Variants in ATP7B observed in about 807,000 individuals in gnomAD.
The protein encoded by ATP7B is copper-transporting ATPase 2.
In ATP7B, 113 loss-of-function variants were observed where a neutral mutation model predicts 118.9. That is an observed-to-expected ratio of 0.95 (90% confidence interval 0.82 to 1.11). The LOEUF (loss-of-function observed/expected upper bound fraction) is 1.11. Among genes scored for constraint, ATP7B ranks in the 50% most tolerant of loss-of-function variants. The pLI is 0.00. For synonymous variants in ATP7B, 777 were observed against 727.4 expected (o/e 1.07, Z -1.10); for missense variants, 1,867 against 1,871.4 (o/e 1.00, Z 0.04).
intron 1 of ATP7B, among the ~76,000 whole-genome samples, chr13:51,996,124 C>T (rs973090573): frequency 2.6e-5 from 4 of 152,190 alleles, no homozygotes; most frequent in African/African-American, 9.7e-5. Context: ...GGCAACATGA[C>T]TTGTATTTTC....
In ATP7B at chr13:51,960,072, T is replaced by C; in HGVS notation, c.2121+76A>G. ...TTAAACCAAGCTAAAGCACTATGTT[T>C]GCGCTTAGCGGGCAGAATATCTGAG... On this transcript the variant is annotated intron_variant, in intron 7 of 20. Transcript: ENST00000242839. 5 of 1,537,748 alleles carry C rather than the reference T, an allele frequency of 3.3e-6. No homozygotes were observed. In the East Asian group the frequency reaches 6.7e-5, roughly 21 times the overall value.
chr13:52,004,137 C>CT (rs1953663939), intron 1 of ATP7B, among the ~76,000 whole-genome samples: 1 of 152,270 alleles, frequency 6.6e-6, no homozygotes, highest in African/African-American at 2.4e-5. Flanking sequence ...TGGCACATGC[C>CT]TGTAAACCCA....
intron 1 of ATP7B, among the ~76,000 whole-genome samples, chr13:52,003,810 C>T (rs943315632): frequency 6.6e-6 from 1 of 152,176 alleles, no homozygotes; most frequent in Non-Finnish European, 1.5e-5. Flanking sequence ...TGTCAAAAGG[C>T]CTGGTGTCAC....
rs546018300 is a variant in ATP7B at position 51,974,573 on chromosome 13, G to A, written c.647C>T (p.Pro216Leu). ...AATATCAATTGGTCCCAGGCTTAAGGGAGCCACTTTGCTCTTGATGGCAGC... is the reference window on the plus strand; with the variant it reads ...AATATCAATTGGTCCCAGGCTTAAGAGAGCCACTTTGCTCTTGATGGCAGC... Reference protein sequence around the residue: ...FEAAIKSKVAPLSLGPIDIER... With the variant: ...FEAAIKSKVALLSLGPIDIER... Residue 216 changes from proline (P) to leucine (L), a missense_variant, in exon 2 of 21, where the codon CCC (proline) becomes CTC (leucine). By Grantham distance (98) the Pro-to-Leu change is moderately conservative (BLOSUM62 -3). Coordinates refer to ENST00000242839, the MANE Select transcript of ATP7B (RefSeq NM_000053.4). 6.2e-7 allele frequency: 1 copy of A among 1,614,164 alleles called. No individual in the cohort carries two copies. Among genetic ancestry groups the A allele is most frequent in the Non-Finnish European group, 8.5e-7 (1 of 1,180,022 alleles).
At chr13:51,982,297 T>C (rs1356643109) in intron 1 of ATP7B, among the ~76,000 whole-genome samples, 1 of 152,252 alleles carries the variant, frequency 6.6e-6, no homozygotes, top group Non-Finnish European at 1.5e-5. Context: ...TTCCTACTTC[T>C]GAATTTCTTG....
At chr13:51,990,012 C>G (rs1349917880) in intron 1 of ATP7B, among the ~76,000 whole-genome samples, 1 of 151,874 alleles carries the variant, frequency 6.6e-6, no homozygotes, top group Non-Finnish European at 1.5e-5. Flanking sequence ...TAGCACTACT[C>G]TATAAATGCA....
At chr13:51,980,571 G>A (rs1201120988) in intron 1 of ATP7B, among the ~76,000 whole-genome samples, 1 of 152,216 alleles carries the variant, frequency 6.6e-6, no homozygotes, top group Non-Finnish European at 1.5e-5. Flanking sequence ...CTGATATGAA[G>A]AAATCAGAAA....
At chr13:51,961,095 C>T (rs1044392945) in intron 6 of ATP7B, among the ~76,000 whole-genome samples, 6 of 151,884 alleles carry the variant, frequency 4.0e-5, no homozygotes, top group African/African-American at 1.2e-4. Flanking sequence ...CAAGGGTAGC[C>T]GCCACCAATT....
At chr13:51,990,430 A>T (rs1952853011) in intron 1 of ATP7B, among the ~76,000 whole-genome samples, 1 of 148,642 alleles carries the variant, frequency 6.7e-6, no homozygotes, top group Admixed American at 6.7e-5. Flanking sequence ...ATGGTTTTTT[A>T]AAAATAGGTG....
chr13:51,971,658 T>C (rs1341033058), intron 2 of ATP7B, among the ~76,000 whole-genome samples: 1 of 152,238 alleles, frequency 6.6e-6, no homozygotes, highest in African/African-American at 2.4e-5. Flanking sequence ...TCCTTATTGA[T>C]TTTTGTTTTA....
Position 51,934,736 on chromosome 13 carries a change from G to A in ATP7B, c.*20C>T, listed in dbSNP as rs568667533. 26 of 1,611,872 alleles carry A rather than the reference G, an allele frequency of 1.6e-5. No homozygotes were observed. The highest frequency in any genetic ancestry group is 2.2e-5 in the South Asian group (2 of 90,986). On this transcript the variant is annotated 3_prime_UTR_variant, in exon 21 of 21. Coordinates refer to ENST00000242839, the MANE Select transcript of ATP7B (RefSeq NM_000053.4). The stretch of plus-strand genomic sequence containing the variant: ...GTGAGTGGAGGCAAGTCCCTGCCCC[G>A]GCCCGCCTGCCTGAAGTCATCAGAT...
At chr13:51,955,215 G>A (rs1958260217) in intron 9 of ATP7B, among the ~76,000 whole-genome samples, 1 of 152,172 alleles carries the variant, frequency 6.6e-6, no homozygotes, top group Non-Finnish European at 1.5e-5. Flanking sequence ...GACGCGGGAG[G>A]GCCCTGTGGG....
At chr13:51,962,898 C>T (rs915665261) in intron 5 of ATP7B, among the ~76,000 whole-genome samples, 1 of 151,944 alleles carries the variant, frequency 6.6e-6, no homozygotes, top group Non-Finnish European at 1.5e-5. Flanking sequence ...TCGAGACCAG[C>T]CTGACAAACA....
At position 51,932,774 on chromosome 13, in the gene ATP7B, G is replaced by A. The variant is rs1226234573; in HGVS notation, c.*1982C>T. On this transcript the variant is annotated 3_prime_UTR_variant, in exon 21 of 21. Coordinates refer to ENST00000242839, the MANE Select transcript of ATP7B (RefSeq NM_000053.4). ...CTCCTTACACTTTGACCATCTAAAA[G>A]GTTATTTTCTATAAAATTATATAAA... The A allele has an allele frequency of 1.3e-5, 2 of 152,102 alleles. No homozygotes were observed. Among genetic ancestry groups the A allele is most frequent in the East Asian group, 3.8e-4 (2 of 5,196 alleles). The allele number at this position is 152,102 out of a possible 1,614,324, so 9.4% of individuals were successfully genotyped here. A position where few individuals can be genotyped will look rare whatever the true frequency, so the allele number is the denominator to read the frequency against.
intron 4 of ATP7B, among the ~76,000 whole-genome samples, chr13:51,967,992 A>G (rs1951649146): frequency 6.6e-6 from 1 of 152,158 alleles, no homozygotes; most frequent in African/African-American, 2.4e-5. Context: ...CTAGACACCC[A>G]TGCACCTATC....
At chr13:51,999,501 T>C (rs1953384201) in intron 1 of ATP7B, among the ~76,000 whole-genome samples, 1 of 152,184 alleles carries the variant, frequency 6.6e-6, no homozygotes, top group Non-Finnish European at 1.5e-5. Flanking sequence ...TGAAAAACGA[T>C]TATGATAGTT....
intron 3 of ATP7B, 104 bp from the exon 4 acceptor site, chr13:51,968,711 T>C: frequency 4.4e-6 from 6 of 1,370,836 alleles, no homozygotes; most frequent in Non-Finnish European, 6.2e-6. Context: ...CAGAATCCTC[T>C]AGAACAGCAG....
At position 51,944,247 on chromosome 13, in the gene ATP7B, G is replaced by T. The variant is rs200324179; in HGVS notation, c.3105C>A (p.Gly1035=). ...MFDKTGTITH[G]VPRVMRVLLL... ...GGAGCACCCGCATGACCCTGGGGAC[G>T]CCATGGGTAATGGTGCCAGTCTTGT... is the stretch of plus-strand genomic sequence containing the variant. The change falls in exon 14 of 21, where the codon GGC becomes GGA. Residue 1035 remains glycine, a synonymous_variant. Coordinates refer to ENST00000242839, the MANE Select transcript of ATP7B (RefSeq NM_000053.4). The T allele has an allele frequency of 2.5e-6, 4 of 1,614,082 alleles. No homozygotes were observed. In the East Asian group the frequency reaches 8.9e-5, roughly 36 times the overall value.
chr13:52,008,277 T>C (rs1166470359), intron 1 of ATP7B, among the ~76,000 whole-genome samples: 1 of 152,184 alleles, frequency 6.6e-6, no homozygotes, highest in Non-Finnish European at 1.5e-5. Flanking sequence ...GAGGCACAGG[T>C]TGCAGTGAAC....
Sources: allele counts gnomAD v4.1 joint callset (sites outside exome capture counted in the v4.1 genomes callset), GRCh38; gene constraint gnomAD v4.1.1; transcripts MANE v1.5; gene names NCBI Gene and HGNC (gene_info 2026-07-23, HGNC 2026-07-21).